Variants in CADM1 observed in about 807,000 individuals in gnomAD.
The protein encoded by CADM1 is cell adhesion molecule 1, also known as TSLC-1.
In CADM1, 15 loss-of-function variants were observed where a neutral mutation model predicts 53.1. The observed-to-expected ratio is 0.28, with a 90% confidence interval of 0.19 to 0.44. The LOEUF (loss-of-function observed/expected upper bound fraction) is 0.44, where lower values mean the gene tolerates loss of function less well. CADM1 is among the 20% of genes least tolerant of loss of function. CADM1 has a pLI of 1.00. For synonymous variants in CADM1, 281 were observed against 243.0 expected (o/e 1.16, Z -1.45); for missense variants, 434 against 611.3 (o/e 0.71, Z 3.06).
intron 1 of CADM1, among the ~76,000 whole-genome samples, chr11:115,273,877 A>T (rs1446814180): frequency 6.6e-6 from 1 of 152,242 alleles, no homozygotes; most frequent in Admixed American, 6.5e-5. Context: ...TTGAAGATAC[A>T]TGACAAAGGA....
chr11:115,442,761 CA>C (rs1948350042), intron 1 of CADM1, among the ~76,000 whole-genome samples: 6 of 152,270 alleles, frequency 3.9e-5, no homozygotes, highest in Admixed American at 3.3e-4. Flanking sequence ...ACAACTCTTA[CA>C]AAAGGCTATT....
At chr11:115,368,332 G>A (rs971581779) in intron 1 of CADM1, among the ~76,000 whole-genome samples, 1 of 151,966 alleles carries the variant, frequency 6.6e-6, no homozygotes, top group Admixed American at 6.6e-5. Context: ...AAAAAGGGTT[G>A]TTTACAATAA....
chr11:115,338,933 T>C (rs1369363426), intron 1 of CADM1, among the ~76,000 whole-genome samples: 1 of 145,626 alleles, frequency 6.9e-6, no homozygotes, highest in African/African-American at 2.5e-5. Flanking sequence ...TTAGGGTACA[T>C]GTGCACATTG....
At chr11:115,305,900 C>CAAAAAA (rs35517673) in intron 1 of CADM1, among the ~76,000 whole-genome samples, 105 of 80,756 alleles carry the variant, frequency 1.3e-3, no homozygotes, top group Non-Finnish European at 1.5e-3. Context: ...GACTCCATCT[C>CAAAAAA]AAAAAAAAAA....
chr11:115,488,856 T>C (rs1949434084), intron 1 of CADM1, among the ~76,000 whole-genome samples: 1 of 152,236 alleles, frequency 6.6e-6, no homozygotes, highest in Non-Finnish European at 1.5e-5. Flanking sequence ...ATTTCTCAGG[T>C]TTGATCCGAT....
At chr11:115,302,002 T>C (rs1944235503) in intron 1 of CADM1, among the ~76,000 whole-genome samples, 1 of 152,028 alleles carries the variant, frequency 6.6e-6, no homozygotes, top group Non-Finnish European at 1.5e-5. Flanking sequence ...TATATGTACA[T>C]GTAAAAATGA....
At chr11:115,320,022 C>A (rs1174386081) in intron 1 of CADM1, among the ~76,000 whole-genome samples, 4 of 152,086 alleles carry the variant, frequency 2.6e-5, no homozygotes, top group Non-Finnish European at 4.4e-5. Context: ...AAACGGGAAA[C>A]AATCTAGTTC....
intron 1 of CADM1, among the ~76,000 whole-genome samples, chr11:115,296,919 A>G (rs1403301611): frequency 6.6e-6 from 1 of 152,224 alleles, no homozygotes; most frequent in Non-Finnish European, 1.5e-5. Context: ...TAAGTATTTG[A>G]CAAGGGAATA....
chr11:115,424,726 A>C (rs1378998325), intron 1 of CADM1, among the ~76,000 whole-genome samples: 1 of 152,056 alleles, frequency 6.6e-6, no homozygotes, highest in East Asian at 1.9e-4. Flanking sequence ...GGGTTTCGAC[A>C]TGTTGGCCAG....
chr11:115,203,390 T>C (rs1326683611), intron 8 of CADM1, among the ~76,000 whole-genome samples: 1 of 152,134 alleles, frequency 6.6e-6, no homozygotes, highest in African/African-American at 2.4e-5. Context: ...AAGAAGAGGA[T>C]GTTGCCACGA....
intron 10 of CADM1, chr11:115,190,598 AAACATT>A (rs1323157093): frequency 1.9e-5 from 7 of 365,284 alleles, no homozygotes; most frequent in Non-Finnish European, 3.5e-5. Flanking sequence ...TCTAGGACAT[AAACATT>A]ATTTGAAGCC....
intron 3 of CADM1, among the ~76,000 whole-genome samples, chr11:115,232,901 T>C (rs932822933): frequency 6.6e-6 from 1 of 152,204 alleles, no homozygotes; most frequent in African/African-American, 2.4e-5. Context: ...TAAATATGTA[T>C]AAACATGCCA....
At chr11:115,216,473 T>A (rs1193564253) in intron 6 of CADM1, among the ~76,000 whole-genome samples, 1 of 148,832 alleles carries the variant, frequency 6.7e-6, no homozygotes, top group Non-Finnish European at 1.5e-5. Context: ...CCTCTGAGAA[T>A]TTTTTTTTCT....
At chr11:115,467,219 G>A (rs1405348626) in intron 1 of CADM1, among the ~76,000 whole-genome samples, 1 of 152,132 alleles carries the variant, frequency 6.6e-6, no homozygotes, top group Admixed American at 6.5e-5. Flanking sequence ...CAATGATTTC[G>A]ATTTAAGAAT....
intron 3 of CADM1, among the ~76,000 whole-genome samples, chr11:115,232,862 T>G (rs1941871470): frequency 1.3e-5 from 2 of 151,970 alleles, no homozygotes; most frequent in Non-Finnish European, 2.9e-5. Flanking sequence ...GATTAATAAG[T>G]TTCTCAACTC....
At chr11:115,383,423 T>A (rs186939907) in intron 1 of CADM1, among the ~76,000 whole-genome samples, 3 of 152,216 alleles carry the variant, frequency 2.0e-5, no homozygotes, top group African/African-American at 7.2e-5. Flanking sequence ...GGTAAGAGCA[T>A]GTTAATGGCT....
At chr11:115,456,637 A>C (rs1230094032) in intron 1 of CADM1, among the ~76,000 whole-genome samples, 1 of 152,152 alleles carries the variant, frequency 6.6e-6, no homozygotes, top group African/African-American at 2.4e-5. Context: ...AGGAAATGCA[A>C]AAAACCTGGA....
At chr11:115,192,451 C>A (rs45625839) in intron 9 of CADM1, among the ~76,000 whole-genome samples, 5,093 of 152,278 alleles carry the variant, frequency 0.033, 271 homozygotes, top group African/African-American at 0.11. Context: ...GTTCTGAAAT[C>A]TGATTGGTTG....
At chr11:115,303,082 A>G (rs1944274509) in intron 1 of CADM1, among the ~76,000 whole-genome samples, 2 of 152,072 alleles carry the variant, frequency 1.3e-5, no homozygotes, top group Admixed American at 1.3e-4. Context: ...ATCCCCCAAA[A>G]GGGGGGCAAC....
Sources: allele counts gnomAD v4.1 joint callset (sites outside exome capture counted in the v4.1 genomes callset), GRCh38; gene constraint gnomAD v4.1.1; transcripts MANE v1.5; gene names NCBI Gene and HGNC (gene_info 2026-07-23, HGNC 2026-07-21).